SLC39A11: variants seen among roughly 807,000 people sequenced by gnomAD.
The protein encoded by SLC39A11 is zinc transporter ZIP11.
In SLC39A11, 33 loss-of-function variants were observed where a neutral mutation model predicts 36.1. The ratio of observed to expected loss-of-function variants is 0.91; its 90% CI spans 0.69 to 1.22. SLC39A11 has a LOEUF of 1.22. Among genes scored for constraint, SLC39A11 ranks in the 50% most tolerant of loss-of-function variants. SLC39A11 has a pLI of 0.00. For synonymous variants in SLC39A11, 166 were observed against 170.3 expected, an observed-to-expected ratio of 0.97 and a Z score of 0.20; for missense variants, 432 against 430.3, an observed-to-expected ratio of 1.00 and a Z score of -0.03.
Position 72,686,431 on chromosome 17 carries a change from C to T in SLC39A11, c.672-37163G>A, listed in dbSNP as rs112757073. On this transcript the variant is annotated intron_variant, in intron 7 of 9. Transcript: ENST00000255559. ...CTGATTCGGGATCCCACTGCTGTCC[C>T]GCTCCACCCGTCTCCTTACCCAGCA... Among the ~76,000 whole-genome samples the T allele has an allele frequency of 7.0e-3, 1,065 of 152,288 alleles. 11 individuals carry two copies. Among genetic ancestry groups the T allele is most frequent in the Middle Eastern group, 0.01 (3 of 294 alleles).
chr17:72,868,120 C>T (rs143912125), intron 5 of SLC39A11, among the ~76,000 whole-genome samples: 5 of 152,308 alleles, frequency 3.3e-5, no homozygotes, highest in African/African-American at 9.6e-5. Flanking sequence ...ATTCATGAAT[C>T]GTTCGCTGCT....
chr17:72,788,809 T>C (rs1315925161), intron 6 of SLC39A11, among the ~76,000 whole-genome samples: 1 of 152,174 alleles, frequency 6.6e-6, no homozygotes, highest in Non-Finnish European at 1.5e-5. Flanking sequence ...AGATGCTGTG[T>C]ATTAAGACTG....
chr17:72,883,736 A>G (rs2081320865), intron 5 of SLC39A11, among the ~76,000 whole-genome samples: 1 of 152,234 alleles, frequency 6.6e-6, no homozygotes, highest in African/African-American at 2.4e-5. Context: ...GAAGATGGCT[A>G]TTATACACAC....
At chr17:73,020,262 G>A (rs1210716702) in intron 4 of SLC39A11, among the ~76,000 whole-genome samples, 1 of 152,144 alleles carries the variant, frequency 6.6e-6, no homozygotes, top group Admixed American at 6.5e-5. Context: ...GGTAATTAGG[G>A]TTACATGAAG....
chr17:72,810,002 TG>T (rs1306349137), intron 6 of SLC39A11, among the ~76,000 whole-genome samples: 2 of 150,222 alleles, frequency 1.3e-5, no homozygotes, highest in African/African-American at 2.5e-5. Context: ...AGGCAGAAGT[TG>T]CAATAAGCTG....
chr17:73,072,474 A>G (rs2060191983), intron 3 of SLC39A11: 1 of 152,226 alleles, frequency 6.6e-6, no homozygotes, highest in South Asian at 2.1e-4. Context: ...GTTACTTCCC[A>G]TCACGGCACA....
chr17:72,855,997 T>G (rs1371575592), intron 5 of SLC39A11, among the ~76,000 whole-genome samples: 1 of 152,228 alleles, frequency 6.6e-6, no homozygotes, highest in Non-Finnish European at 1.5e-5. Flanking sequence ...AAATTATTAT[T>G]TACATTCTCA....
chr17:73,042,808 G>GAAT (rs758456229), intron 3 of SLC39A11, among the ~76,000 whole-genome samples: 1 of 152,146 alleles, frequency 6.6e-6, no homozygotes, highest in African/African-American at 2.4e-5. Flanking sequence ...GTCTCAAAAT[G>GAAT]AATAATAATA....
At chr17:73,037,069 C>T (rs1418147369) in intron 3 of SLC39A11, among the ~76,000 whole-genome samples, 1 of 152,168 alleles carries the variant, frequency 6.6e-6, no homozygotes, top group East Asian at 1.9e-4. Flanking sequence ...TAAAGCATTT[C>T]CTTTTAGCAC....
chr17:72,752,812 G>A (rs903247897), intron 6 of SLC39A11, among the ~76,000 whole-genome samples: 1 of 152,112 alleles, frequency 6.6e-6, no homozygotes, highest in Admixed American at 6.6e-5. Context: ...CTCTCTGGAA[G>A]CTCTCAACAA....
intron 4 of SLC39A11, among the ~76,000 whole-genome samples, chr17:72,991,641 G>A (rs1024147118): frequency 1.3e-5 from 2 of 152,310 alleles, no homozygotes; most frequent in South Asian, 2.1e-4. Flanking sequence ...TTACAGGTGT[G>A]AGCCACTGGG....
intron 5 of SLC39A11, among the ~76,000 whole-genome samples, chr17:72,875,747 T>G (rs2080869133): frequency 6.6e-6 from 1 of 152,224 alleles, no homozygotes; most frequent in Non-Finnish European, 1.5e-5. Flanking sequence ...CTTTCAATGC[T>G]TACTGTGTCA....
intron 4 of SLC39A11, among the ~76,000 whole-genome samples, chr17:72,982,527 G>A (rs1015085656): frequency 3.9e-5 from 6 of 152,094 alleles, no homozygotes; most frequent in South Asian, 2.1e-4. Context: ...CGTCCATATC[G>A]GTCAACTGAT....
At chr17:72,731,358 G>C (rs2074206680) in intron 7 of SLC39A11, among the ~76,000 whole-genome samples, 1 of 152,206 alleles carries the variant, frequency 6.6e-6, no homozygotes, top group Non-Finnish European at 1.5e-5. Context: ...TTGGATCTGT[G>C]TCTCCGCCCA....
At chr17:73,019,786 T>C (rs2058282474) in intron 4 of SLC39A11, among the ~76,000 whole-genome samples, 1 of 152,152 alleles carries the variant, frequency 6.6e-6, no homozygotes, top group Non-Finnish European at 1.5e-5. Context: ...AGTAATTATA[T>C]TAAATATAAA....
At chr17:72,783,768 A>T (rs1053496468) in intron 6 of SLC39A11, among the ~76,000 whole-genome samples, 13 of 152,208 alleles carry the variant, frequency 8.5e-5, no homozygotes, top group African/African-American at 1.4e-4. Context: ...GAACGGGAAT[A>T]GTCAGAGTTA....
intron 3 of SLC39A11, among the ~76,000 whole-genome samples, chr17:73,082,947 C>T (rs543016739): frequency 5.2e-5 from 7 of 134,118 alleles, no homozygotes; most frequent in African/African-American, 8.4e-5. Context: ...ACTCGGGAGG[C>T]GGAGGTTGCA....
chr17:72,945,045 A>AT (rs1487936966), intron 5 of SLC39A11, among the ~76,000 whole-genome samples: 1 of 47,540 alleles, frequency 2.1e-5, no homozygotes, highest in East Asian at 8.0e-4. Flanking sequence ...CTAATTGGAG[A>AT]TGGATGGATG....
intron 5 of SLC39A11, among the ~76,000 whole-genome samples, chr17:72,853,132 G>A (rs1018913152): frequency 7.3e-5 from 11 of 151,560 alleles, no homozygotes; most frequent in African/African-American, 2.2e-4. Flanking sequence ...CTCCCACCTC[G>A]GCCTCCCAAG....
Sources: allele counts gnomAD v4.1 joint callset (sites outside exome capture counted in the v4.1 genomes callset), GRCh38; gene constraint gnomAD v4.1.1; transcripts MANE v1.5; gene names NCBI Gene and HGNC (gene_info 2026-07-23, HGNC 2026-07-21).